The following ANO3 variants were observed in gnomAD, a reference collection of about 807,000 sequenced individuals.
ANO3 encodes anoctamin-3.
A neutral mutation model predicts 144.8 loss-of-function variants in ANO3; 99 were observed. The ratio of observed to expected loss-of-function variants is 0.68; its 90% CI spans 0.58 to 0.81. The LOEUF is 0.81. Ranked by LOEUF, ANO3 falls within the 30% of genes least tolerant of loss-of-function variation. ANO3 has a pLI of 0.00. For missense variants in ANO3, 905 were observed against 1,202.2 expected (o/e 0.75, Z 3.66); for synonymous variants, 414 against 392.6 (o/e 1.05, Z -0.64).
intron 14 of ANO3, among the ~76,000 whole-genome samples, chr11:26,587,427 A>T (rs1420548890): frequency 6.6e-6 from 1 of 152,176 alleles, no homozygotes; most frequent in Non-Finnish European, 1.5e-5. Context: ...ATCTTGGCAT[A>T]AATAGAAGCC....
At chr11:26,304,989 A>G (rs1854342173), upstream of ANO3, among the ~76,000 whole-genome samples, 1 of 152,082 alleles carries the variant, frequency 6.6e-6, no homozygotes, top group South Asian at 2.1e-4. Flanking sequence ...TATTATCCCA[A>G]TTAAAGGACT....
intron 1 of ANO3, among the ~76,000 whole-genome samples, chr11:26,363,453 T>G (rs767086741): frequency 2.6e-5 from 4 of 152,142 alleles, no homozygotes; most frequent in Non-Finnish European, 5.9e-5. Flanking sequence ...ATGCCTCTTG[T>G]CTTGTCATGT....
chr11:26,294,943 G>T (rs1440706148), intron 1 of ANO3, among the ~76,000 whole-genome samples: 1 of 151,816 alleles, frequency 6.6e-6, no homozygotes, highest in African/African-American at 2.4e-5. Context: ...TCCCTTGCCA[G>T]GCTGGAGTGC....
intron 1 of ANO3, among the ~76,000 whole-genome samples, chr11:26,373,593 A>T (rs1001738222): frequency 6.6e-6 from 1 of 152,184 alleles, no homozygotes; most frequent in Non-Finnish European, 1.5e-5. Flanking sequence ...AGGACTAAAT[A>T]GTTCTGGTTC....
rs370277580 is a variant in ANO3 at position 26,564,692 on chromosome 11, T to TAC, written c.1447+4953_1447+4954dup. ...ACTCATATATATATACTCATATATA[T>TAC]ACACACACACACACACACACACACA... On this transcript the variant is annotated intron_variant, in intron 14 of 26. Coordinates refer to ENST00000256737, the MANE Select transcript of ANO3 (RefSeq NM_031418.4). Among the ~76,000 whole-genome samples the TAC allele has an allele frequency of 3.7e-3, 154 of 41,124 alleles. 5 individuals are homozygous for TAC. The highest frequency in any genetic ancestry group is 0.03 in the East Asian group (33 of 1,094). 27.0% of individuals were successfully genotyped at this position (41,124 alleles called of 152,430 possible).
intron 1 of ANO3, among the ~76,000 whole-genome samples, chr11:26,203,413 A>G (rs1851735451): frequency 6.6e-6 from 1 of 152,132 alleles, no homozygotes; most frequent in Admixed American, 6.6e-5. Context: ...AATTCATTGA[A>G]TGCAAGTTTT....
intron 4 of ANO3, among the ~76,000 whole-genome samples, chr11:26,468,428 G>T (rs1859674241): frequency 6.6e-6 from 1 of 151,914 alleles, no homozygotes; most frequent in South Asian, 2.1e-4. Flanking sequence ...GGAAAATCTG[G>T]ACATGAATAT....
intron 14 of ANO3, chr11:26,565,503 T>A: frequency 1.9e-6 from 3 of 1,613,316 alleles, no homozygotes; most frequent in Non-Finnish European, 2.5e-6. Flanking sequence ...CCAAGGCACT[T>A]TAGAAACAAA....
chr11:26,269,420 C>G lies in ANO3; in HGVS notation c.155-40225C>G, dbSNP rs184072666. On this transcript the variant is annotated intron_variant, in intron 1 of 27. Coordinates refer to the ANO3 transcript ENST00000672621. ...TCTCCCCCTCTTACTTTTCCTATCT[C>G]TCTTGGGGCTCTCTCAGCAGTGAGG... 4.5e-4 allele frequency among the ~76,000 whole-genome samples: 69 copies of G among 152,308 alleles called. 1 individual carries two copies. The South Asian group carries it at 5.0e-3, about 11-fold the overall frequency.
At chr11:26,485,725 A>T (rs914672204) in intron 4 of ANO3, among the ~76,000 whole-genome samples, 1 of 152,176 alleles carries the variant, frequency 6.6e-6, no homozygotes, top group Admixed American at 6.5e-5. Context: ...CCAAGACTTA[A>T]ATGAGACCTG....
chr11:26,257,275 G>A (rs1853081527), intron 1 of ANO3, among the ~76,000 whole-genome samples: 1 of 151,964 alleles, frequency 6.6e-6, no homozygotes, highest in Admixed American at 6.6e-5. Flanking sequence ...ATTCAATGAA[G>A]TTGGTTATTT....
chr11:26,242,879 C>G (rs1852691056), intron 1 of ANO3, among the ~76,000 whole-genome samples: 1 of 152,146 alleles, frequency 6.6e-6, no homozygotes, highest in South Asian at 2.1e-4. Flanking sequence ...TTGAGACAAA[C>G]AGAAAGTTCC....
intron 1 of ANO3, among the ~76,000 whole-genome samples, chr11:26,408,039 A>G (rs1304578727): frequency 6.6e-6 from 1 of 152,102 alleles, no homozygotes; most frequent in Non-Finnish European, 1.5e-5. Flanking sequence ...AAACCTAGGC[A>G]GTACCATTCA....
chr11:26,293,355 C>T (rs1288223522), intron 1 of ANO3, among the ~76,000 whole-genome samples: 7 of 151,286 alleles, frequency 4.6e-5, no homozygotes, highest in South Asian at 2.1e-4. Flanking sequence ...GAAATTCTTT[C>T]TCTCACACTG....
chr11:26,377,102 G>A (rs571419545), intron 1 of ANO3, among the ~76,000 whole-genome samples: 149 of 152,196 alleles, frequency 9.8e-4, no homozygotes, highest in African/African-American at 3.1e-3. Flanking sequence ...GCACTTGAAA[G>A]AAAACAAAAA....
intron 1 of ANO3, among the ~76,000 whole-genome samples, chr11:26,209,799 G>T (rs948687092): frequency 6.6e-6 from 1 of 151,808 alleles, no homozygotes; most frequent in African/African-American, 2.4e-5. Flanking sequence ...TTTGATAAGT[G>T]TCTGTTCATA....
At chr11:26,586,657 C>T (rs1302315754) in intron 14 of ANO3, among the ~76,000 whole-genome samples, 1 of 151,356 alleles carries the variant, frequency 6.6e-6, no homozygotes, top group Non-Finnish European at 1.5e-5. Flanking sequence ...CGCCCGCCAC[C>T]ACACCCGGCT....
chr11:26,230,108 G>A (rs1852358210), intron 1 of ANO3, among the ~76,000 whole-genome samples: 1 of 152,162 alleles, frequency 6.6e-6, no homozygotes, highest in South Asian at 2.1e-4. Context: ...CCTTCTAAAA[G>A]AGCTGCTCTT....
At position 26,508,096 on chromosome 11, in the gene ANO3, A is replaced by T. The variant is rs757863581; in HGVS notation, c.433-8A>T. ...CCACACCATTAACAATCATTGCTTT[A>T]TTTGCAGAATGACATGAATTACATA... On this transcript the variant is annotated splice_polypyrimidine_tract_variant and splice_region_variant and intron_variant, in intron 4 of 26. Transcript: ENST00000256737. 6.4e-7 allele frequency: 1 copy of T among 1,570,316 alleles called. No individual in the cohort carries two copies. The highest frequency in any genetic ancestry group is 8.6e-7 in the Non-Finnish European group (1 of 1,165,930).
Sources: gnomAD v4.1 joint callset for allele counts (sites outside exome capture counted in the v4.1 genomes callset) on GRCh38, gnomAD v4.1.1 for gene constraint, MANE v1.5 for transcripts, NCBI Gene and HGNC (gene_info 2026-07-23, HGNC 2026-07-21) for gene names.